The following TRIM38 variants were observed in gnomAD, a reference collection of about 807,000 sequenced individuals.
TRIM38 encodes tripartite motif containing 38, also known as E3 ubiquitin-protein ligase TRIM38.
Under a neutral mutation model 35.8 loss-of-function variants are expected in TRIM38, and 35 were observed. The observed-to-expected ratio is 0.98, with a 90% CI of 0.75 to 1.30. TRIM38 has a LOEUF of 1.30. Ranked by LOEUF, TRIM38 falls within the 50% of genes most tolerant of loss-of-function variation. The pLI, the probability that TRIM38 is intolerant of heterozygous loss-of-function variation, is 0.00. For synonymous variants in TRIM38, 198 were observed against 204.7 expected, an observed-to-expected ratio of 0.97 and a Z score of 0.28; for missense variants, 545 against 556.9, an observed-to-expected ratio of 0.98 and a Z score of 0.21.
intron 4 of TRIM38, among the ~76,000 whole-genome samples, chr6:25,969,979 G>A (rs1024650020): frequency 2.4e-4 from 37 of 151,968 alleles, no homozygotes; most frequent in Admixed American, 1.2e-3. Flanking sequence ...GTGTAGTGGT[G>A]CGATCTCAGC....
In TRIM38 at chr6:25,987,347, T is replaced by A. The variant is rs1353887003; in HGVS notation, c.*3660T>A. 1.3e-5 allele frequency: 2 copies of A among 152,220 alleles called. No homozygotes were observed. Among genetic ancestry groups the A allele is most frequent in the East Asian group, 3.9e-4 (2 of 5,178 alleles). 9.4% of individuals were successfully genotyped at this position (152,220 alleles called of 1,614,324 possible). ...ATCTCTCACTGTTCTGAGGTCTGAG[T>A]TGATTCTTTGTGAAGGCCCTTTCCT... is the stretch of plus-strand genomic sequence containing the variant. On this transcript the variant is annotated 3_prime_UTR_variant, in exon 8 of 8. Transcript: ENST00000357085.
chr6:25,969,699 A>G (rs1760168325), intron 4 of TRIM38, among the ~76,000 whole-genome samples: 1 of 152,148 alleles, frequency 6.6e-6, no homozygotes, highest in Non-Finnish European at 1.5e-5. Flanking sequence ...TACCTAGAAA[A>G]AGCATCGAGT....
intron 7 of TRIM38, among the ~76,000 whole-genome samples, chr6:25,978,914 C>T (rs912363087): frequency 6.6e-6 from 1 of 152,078 alleles, no homozygotes; most frequent in African/African-American, 2.4e-5. Context: ...GTGATTGACC[C>T]GCCTCAGCCT....
rs1466385786 is a variant in TRIM38 at position 25,991,086 on chromosome 6, G to C, written c.*7399G>C. 6.6e-6 allele frequency: 1 copy of C among 152,172 alleles called. No individual in the cohort carries two copies. The highest frequency in any genetic ancestry group is 2.4e-5 in the African/African-American group (1 of 41,390). The allele number at this position is 152,172 out of a possible 1,614,324, so 9.4% of individuals were successfully genotyped here. ...TCAGCGCTCCTTCTCTTTCCCCTTTGTCTTGTGTCTCCTTGGGTCTCTTTT... is the reference window on the plus strand; with the variant it reads ...TCAGCGCTCCTTCTCTTTCCCCTTTCTCTTGTGTCTCCTTGGGTCTCTTTT... On this transcript the variant is annotated 3_prime_UTR_variant, in exon 8 of 8. Transcript: ENST00000357085.
Position 25,966,494 on chromosome 6 carries a change from G to A in TRIM38, c.-29G>A. On this transcript the variant is annotated 5_prime_UTR_variant, in exon 3 of 8. Coordinates refer to ENST00000357085, the MANE Select transcript of TRIM38 (RefSeq NM_006355.5). ...TGGCTGCTTCATCTCCATCTCTAGA[G>A]CCAATATTGGAGCTTTTCAATAAAA... 6.4e-7 allele frequency: 1 copy of A among 1,558,466 alleles called. No homozygotes were observed. The highest frequency in any genetic ancestry group is 8.7e-7 in the Non-Finnish European group (1 of 1,153,280).
At chr6:25,981,968 A>G (rs560680404) in intron 7 of TRIM38, among the ~76,000 whole-genome samples, 165 of 152,272 alleles carry the variant, frequency 1.1e-3, no homozygotes, top group Non-Finnish European at 1.5e-3. Context: ...TTATTACTAC[A>G]TGTTGTTAGA....
chr6:25,966,971 G>T, intron 3 of TRIM38, 38 bp downstream of exon 3: 3 of 1,534,366 alleles, frequency 2.0e-6, no homozygotes, highest in Non-Finnish European at 2.6e-6. Flanking sequence ...TAAGTACCAA[G>T]TCTTATCCTG....
At chr6:25,969,499 A>T (rs1167792905) in intron 4 of TRIM38, 79 bp downstream of exon 4, 1 of 1,215,372 alleles carries the variant, frequency 8.2e-7, no homozygotes, top group Non-Finnish European at 1.2e-6. Flanking sequence ...GGAAAAGCAC[A>T]ATGAGGATTT....
chr6:25,979,263 AG>A (rs1200836515), intron 7 of TRIM38, among the ~76,000 whole-genome samples: 5 of 152,060 alleles, frequency 3.3e-5, no homozygotes, highest in African/African-American at 9.7e-5. Context: ...TATTCTTTGT[AG>A]GATTTGGTAT....
Position 25,966,728 on chromosome 6 carries a change from A to G in TRIM38, c.206A>G (p.Asp69Gly). 6.2e-7 allele frequency: 1 copy of G among 1,614,208 alleles called. No individual in the cohort carries two copies. The highest frequency in any genetic ancestry group is 8.5e-7 in the Non-Finnish European group (1 of 1,180,046). ...CAGTGTCGGGCTCCATTTCATATGGATAGCCTCCGACCCAACAAGCAGCTG... is the reference window on the plus strand; with the variant it reads ...CAGTGTCGGGCTCCATTTCATATGGGTAGCCTCCGACCCAACAAGCAGCTG... ...CPQCRAPFHM[D>G]SLRPNKQLGS... is the part of the protein sequence containing the mutation. The change falls in exon 3 of 8, where the codon GAT becomes GGT. Residue 69 changes from aspartate to glycine, a missense_variant. Asp to Gly is a moderately conservative substitution (Grantham distance 94). Transcript: ENST00000357085.
In TRIM38 at chr6:25,971,076, TG is replaced by T. The variant is rs559010232; in HGVS notation, c.508-790del. 2.2e-3 allele frequency among the ~76,000 whole-genome samples: 339 copies of T among 152,314 alleles called. 1 individual carries two copies. Among genetic ancestry groups the T allele is most frequent in the African/African-American group, 7.9e-3 (329 of 41,562 alleles). On this transcript the variant is annotated intron_variant, in intron 4 of 7. Transcript: ENST00000357085. Reference sequence around the variant, plus strand: ...AGCCTGGTTGTCTTAAAATCCAGTCTGGGTGATGTTCATTATAAGCTTTTAC... The same window carrying T: ...AGCCTGGTTGTCTTAAAATCCAGTCTGGTGATGTTCATTATAAGCTTTTAC...
chr6:25,974,373 G>C (rs1760331228), intron 7 of TRIM38, among the ~76,000 whole-genome samples: 1 of 152,218 alleles, frequency 6.6e-6, no homozygotes, highest in African/African-American at 2.4e-5. Context: ...TTCAGAGAGA[G>C]CTCAGGAGAC....
chr6:25,970,373 T>C (rs890966921), intron 4 of TRIM38, among the ~76,000 whole-genome samples: 2 of 152,208 alleles, frequency 1.3e-5, no homozygotes, highest in African/African-American at 4.8e-5. Flanking sequence ...ATTGCGGTCT[T>C]TGCCATTAAA....
intron 7 of TRIM38, chr6:25,975,485 A>T: frequency 2.0e-6 from 1 of 491,598 alleles, no homozygotes; most frequent in Non-Finnish European, 2.6e-6. Context: ...TACAAGTGTT[A>T]GTCACTGTGC....
At position 25,985,665 on chromosome 6, in the gene TRIM38, C is replaced by G. The variant is rs967396543; in HGVS notation, c.*1978C>G. The G allele has an allele frequency of 1.3e-5, 2 of 152,280 alleles. No homozygotes were observed. Among genetic ancestry groups the G allele is most frequent in the Non-Finnish European group, 1.5e-5 (1 of 68,024 alleles). 9.4% of individuals were successfully genotyped at this position (152,280 alleles called of 1,614,324 possible). On this transcript the variant is annotated 3_prime_UTR_variant, in exon 8 of 8. Coordinates refer to ENST00000357085, the MANE Select transcript of TRIM38 (RefSeq NM_006355.5). ...GCTGACCCAGACTTGGGTAATAGGA[C>G]CCAGTGGGTAACCGAGGAACCCCAC... is the stretch of plus-strand genomic sequence containing the variant.
intron 2 of TRIM38, among the ~76,000 whole-genome samples, chr6:25,963,737 C>T (rs1001224312): frequency 6.6e-6 from 1 of 151,492 alleles, no homozygotes; most frequent in African/African-American, 2.4e-5. Context: ...AAAGGATAAA[C>T]CGGTTCTTCT....
rs990034571 is a variant in TRIM38 at position 25,983,447 on chromosome 6, G to T, written c.1158G>T (p.Arg386Ser). Residue 386 changes from arginine (R) to serine (S), a missense_variant, in exon 8 of 8, where the codon AGG (arginine) becomes AGT (serine). By Grantham distance (110) the Arg-to-Ser change is moderately radical. Transcript: ENST00000357085. ...QEPQSGFWTLRLCKKKGYVAL... is the reference protein window; with the variant it reads ...QEPQSGFWTLSLCKKKGYVAL... ...CTCAGTCTGGATTCTGGACCCTCAGGCTGTGCAAAAAGAAAGGCTATGTAG... is the reference window on the plus strand; with the variant it reads ...CTCAGTCTGGATTCTGGACCCTCAGTCTGTGCAAAAAGAAAGGCTATGTAG... 16 of 1,614,134 alleles carry T rather than the reference G, an allele frequency of 9.9e-6. No individual in the cohort carries two copies. The highest frequency in any genetic ancestry group is 1.4e-5 in the Non-Finnish European group (16 of 1,180,026).
At position 25,971,870 on chromosome 6, in the gene TRIM38, A is replaced by T; in HGVS notation, c.509A>T (p.Glu170Val). The T allele has an allele frequency of 6.2e-7, 1 of 1,613,726 alleles. No individual in the cohort carries two copies. The highest frequency in any genetic ancestry group is 8.5e-7 in the Non-Finnish European group (1 of 1,179,632). ...STAMRITKWK[E>V]KVQIQRQKIR... ...TTGACCATACTTTCTTGACTCCAGG[A>T]GAAGGTACAGATTCAGAGACAAAAA... The change falls in exon 5 of 8, where the codon GAG becomes GTG. Residue 170 changes from glutamate to valine, a missense_variant and splice_region_variant. Glu to Val is a moderately radical substitution (Grantham distance 121). Coordinates refer to ENST00000357085, the MANE Select transcript of TRIM38 (RefSeq NM_006355.5).
rs1168573248 is a variant in TRIM38, at chr6:25,985,212, C to T, written c.*1525C>T. 1 of 150,816 alleles carries T rather than the reference C, an allele frequency of 6.6e-6. No homozygotes were observed. The highest frequency in any genetic ancestry group is 2.0e-4 in the East Asian group (1 of 5,108). The allele number at this position is 150,816 out of a possible 1,614,324, so 9.3% of individuals were successfully genotyped here. On this transcript the variant is annotated 3_prime_UTR_variant, in exon 8 of 8. Coordinates refer to ENST00000357085, the MANE Select transcript of TRIM38 (RefSeq NM_006355.5). ...ATGAAATTGTGAAGGTGTCTTCTTA[C>T]TCGGGGAAGAACAAAAGTTAGTCAC...
Sources: allele counts gnomAD v4.1 joint callset (sites outside exome capture counted in the v4.1 genomes callset), GRCh38; gene constraint gnomAD v4.1.1; transcripts MANE v1.5; gene names NCBI Gene and HGNC (gene_info 2026-07-23, HGNC 2026-07-21).